The following TBXT variants were observed in gnomAD, a reference collection of about 807,000 sequenced individuals.
TBXT encodes T-box transcription factor T.
In TBXT, 19 loss-of-function variants were observed where a neutral mutation model predicts 41.1. That is an observed-to-expected ratio of 0.46 (90% CI 0.32 to 0.68). The LOEUF is 0.68. Among genes scored for constraint, TBXT ranks in the 30% least tolerant of loss-of-function variants. The pLI is 0.03. For missense variants in TBXT, 536 were observed against 582.0 expected (o/e 0.92, Z 0.81); for synonymous variants, 213 against 238.9 (o/e 0.89, Z 1.00).
At position 166,158,107 on chromosome 6, in the gene TBXT, G is replaced by A. The variant is rs946694530; in HGVS notation, c.*208C>T. The A allele has an allele frequency of 2.7e-6, 2 of 739,754 alleles. No homozygotes were observed. The highest frequency in any genetic ancestry group is 1.7e-5 in the African/African-American group (1 of 57,790). The allele number at this position is 739,754 out of a possible 1,614,324, so 45.8% of individuals were successfully genotyped here. On this transcript the variant is annotated 3_prime_UTR_variant, in exon 8 of 8. Coordinates refer to ENST00000366876, the MANE Select transcript of TBXT (RefSeq NM_001366285.2). ...GTTCATCTGTAAGCCACCTGGGACA[G>A]CACCGCTACTGCAGGTGTGAGCAAG...
intron 7 of TBXT, among the ~76,000 whole-genome samples, chr6:166,159,506 C>T (rs1026990465): frequency 1.3e-5 from 2 of 152,190 alleles, no homozygotes; most frequent in African/African-American, 2.4e-5. Context: ...TTCCCAGTTC[C>T]GCCTTTACCT....
chr6:166,167,617 C>G lies in TBXT; in HGVS notation c.-26G>C. 6.5e-7 allele frequency: 1 copy of G among 1,541,136 alleles called. No individual in the cohort carries two copies. Among genetic ancestry groups the G allele is most frequent in the Non-Finnish European group, 8.7e-7 (1 of 1,148,804 alleles). ...CCTCCCGTCCGGCTCCCCTCCCCGC[C>G]GTCCCCGAAGCCCAGACTCGCTACC... is the stretch of plus-strand genomic sequence containing the variant. On this transcript the variant is annotated 5_prime_UTR_variant, in exon 1 of 8. Coordinates refer to ENST00000366876, the MANE Select transcript of TBXT (RefSeq NM_001366285.2).
chr6:166,167,911 T>A, upstream of TBXT: 1 of 444,396 alleles, frequency 2.3e-6, no homozygotes, highest in Non-Finnish European at 4.2e-6. Context: ...GCTGGGGTGC[T>A]CGGCGGATTG....
At chr6:166,165,628 C>G (rs1461958124) in intron 3 of TBXT, 78 bp downstream of exon 3, 19 of 1,609,524 alleles carry the variant, frequency 1.2e-5, no homozygotes, top group Non-Finnish European at 1.3e-5. Context: ...CGCGTCTCCC[C>G]GCTCCTCCAG....
rs764835063 is a variant in TBXT at position 166,158,435 on chromosome 6, C to G, written c.1191G>C (p.Ser397=). ...CCGCCCCTTCGTACAGTGGGGATCC[C>G]GAGGAAGAGGGCGCCGAGACCGGAT... The part of the protein sequence containing the change: ...LTHPVSAPSS[S]GSPLYEGAAA... Residue 397 remains serine, a synonymous_variant, in exon 8 of 8, where the codon TCG becomes TCC. Transcript: ENST00000366876. The G allele has an allele frequency of 6.2e-7, 1 of 1,614,136 alleles. No individual in the cohort carries two copies. The highest frequency in any genetic ancestry group is 2.2e-5 in the East Asian group (1 of 44,870).
At chr6:166,168,612 G>A (rs751929893), upstream of TBXT, 2 of 152,414 alleles carry the variant, frequency 1.3e-5, no homozygotes, top group Non-Finnish European at 2.9e-5. Context: ...CGCGCGCAGA[G>A]AGGGAAATGG....
chr6:166,158,717 T>C (rs1778866246), intron 7 of TBXT, 129 bp from the exon 8 acceptor site: 7 of 1,124,776 alleles, frequency 6.2e-6, no homozygotes, highest in Non-Finnish European at 6.0e-6. Context: ...TTCAAACAGG[T>C]CATTTTCTCC....
intron 6 of TBXT, among the ~76,000 whole-genome samples, chr6:166,161,847 CGA>C (rs2128521987): frequency 6.6e-6 from 1 of 152,248 alleles, no homozygotes; most frequent in South Asian, 2.1e-4. Flanking sequence ...GGCGTGAACC[CGA>C]GAGGCGGAGC....
rs528339157 is a variant in TBXT, at chr6:166,167,692, C to G, written c.-101G>C. 9.5e-6 allele frequency: 14 copies of G among 1,470,788 alleles called. No individual in the cohort carries two copies. Among genetic ancestry groups the G allele is most frequent in the Admixed American group, 2.1e-5 (1 of 48,702 alleles). 91.1% of individuals were successfully genotyped at this position (1,470,788 alleles called of 1,614,324 possible). A position where few individuals can be genotyped will look rare whatever the true frequency, so the allele number is the denominator to read the frequency against. The stretch of plus-strand genomic sequence containing the variant: ...GCCGCCGCCCTTCCGAGAAAAGGGG[C>G]CCCTTGGACCGAGACCTGCGACGGC... On this transcript the variant is annotated 5_prime_UTR_variant, in exon 1 of 8. Transcript: ENST00000366876.
chr6:166,165,851 C>T lies in TBXT; in HGVS notation c.472-11G>A. ...GGAGTTCAGCATGATCTGAGGGAGA[C>T]AGATACAGGATTGGTGGCACTGAAA... On this transcript the variant is annotated splice_polypyrimidine_tract_variant and intron_variant, in intron 2 of 7. Coordinates refer to ENST00000366876, the MANE Select transcript of TBXT (RefSeq NM_001366285.2). 6.2e-7 allele frequency: 1 copy of T among 1,614,128 alleles called. No homozygotes were observed. The highest frequency in any genetic ancestry group is 1.1e-5 in the South Asian group (1 of 91,074).
chr6:166,165,666 G>A (rs1018805662), intron 3 of TBXT, 40 bp downstream of exon 3: 2 of 1,612,560 alleles, frequency 1.2e-6, no homozygotes, highest in African/African-American at 2.7e-5. Flanking sequence ...ACACCACACC[G>A]CAGCACACCG....
intron 5 of TBXT, among the ~76,000 whole-genome samples, chr6:166,163,597 G>A (rs898814584): frequency 6.6e-6 from 1 of 152,180 alleles, no homozygotes; most frequent in Non-Finnish European, 1.5e-5. Flanking sequence ...TGGCCAGGCT[G>A]GTCTCTAACT....
In TBXT at chr6:166,165,806, C is replaced by T; in HGVS notation, c.506G>A (p.Arg169Gln). ...MLNSLHKYEP[R>Q]IHIVRVGGPQ... ...ACCCCCAACTCTCACTATGTGGATTCGAGGCTCATACTTATGCAAGGAGTT... is the reference window on the plus strand; with the variant it reads ...ACCCCCAACTCTCACTATGTGGATTTGAGGCTCATACTTATGCAAGGAGTT... Residue 169 changes from arginine (R) to glutamine (Q), a missense_variant, in exon 3 of 8, where the codon CGA (arginine) becomes CAA (glutamine). Arg to Gln is a conservative substitution (Grantham distance 43). Transcript: ENST00000366876. 1 of 1,614,136 alleles carries T rather than the reference C, an allele frequency of 6.2e-7. No individual in the cohort carries two copies. The highest frequency in any genetic ancestry group is 8.5e-7 in the Non-Finnish European group (1 of 1,180,018).
At chr6:166,165,673 AC>A (rs1301047424) in intron 3 of TBXT, 32 bp downstream of exon 3, 5 of 1,613,004 alleles carry the variant, frequency 3.1e-6, no homozygotes, top group Non-Finnish European at 4.2e-6. Flanking sequence ...ACCGCAGCAC[AC>A]CGGGAAAGCG....
At chr6:166,161,922 C>CA (rs55822366) in intron 6 of TBXT, among the ~76,000 whole-genome samples, 38,681 of 151,800 alleles carry the variant, frequency 0.25, 5,362 homozygotes, top group South Asian at 0.35. Flanking sequence ...GACTCCGTCT[C>CA]AAAAAAAAGC....
intron 2 of TBXT, among the ~76,000 whole-genome samples, 200 bp downstream of exon 2, chr6:166,166,392 G>A (rs903222833): frequency 6.6e-6 from 1 of 152,190 alleles, no homozygotes; most frequent in African/African-American, 2.4e-5. Context: ...GAGTGCTCCC[G>A]CTCCCCGTTC....
intron 5 of TBXT, 51 bp downstream of exon 5, chr6:166,164,554 A>G (rs1255646529): frequency 6.2e-7 from 1 of 1,603,438 alleles, no homozygotes; most frequent in Non-Finnish European, 8.5e-7. Flanking sequence ...GCTCTCAGCA[A>G]GTCTAGTCCC....
At chr6:166,162,259 G>A (rs9457135) in intron 6 of TBXT, among the ~76,000 whole-genome samples, 188 bp downstream of exon 6, 1 of 152,216 alleles carries the variant, frequency 6.6e-6, no homozygotes, top group African/African-American at 2.4e-5. Flanking sequence ...TGGTTGTTCC[G>A]CCAGCAGCGG....
intron 7 of TBXT, among the ~76,000 whole-genome samples, chr6:166,159,031 G>A (rs1317605671): frequency 1.3e-5 from 2 of 152,220 alleles, no homozygotes; most frequent in Non-Finnish European, 2.9e-5. Context: ...AATTGGCTGG[G>A]CATGGTGGCA....
Sources: gnomAD v4.1 joint callset for allele counts (sites outside exome capture counted in the v4.1 genomes callset) on GRCh38, gnomAD v4.1.1 for gene constraint, MANE v1.5 for transcripts, NCBI Gene and HGNC (gene_info 2026-07-23, HGNC 2026-07-21) for gene names.